FHIT: variants seen among roughly 807,000 people sequenced by gnomAD.
FHIT encodes the protein bis(5'-adenosyl)-triphosphatase.
Under a neutral mutation model 17.9 loss-of-function variants are expected in FHIT, and 19 were observed. That is an observed-to-expected ratio of 1.06 (90% CI 0.74 to 1.56). FHIT has a LOEUF of 1.56. Ranked by LOEUF, FHIT falls within the 40% of genes most tolerant of loss-of-function variation. The pLI is 0.00. For synonymous variants in FHIT, 81 were observed against 69.7 expected (o/e 1.16, Z -0.81); for missense variants, 248 against 189.2 (o/e 1.31, Z -1.82).
In FHIT at chr3:60,857,938, T is replaced by G. The variant is rs192734318; in HGVS notation, c.-110-35927A>C. On this transcript the variant is annotated intron_variant, in intron 3 of 9. Transcript: ENST00000492590. The stretch of plus-strand genomic sequence containing the variant: ...AGATTCCATCTCTTAAAAGGAAAAA[T>G]AAATCAACTGGATCACTAGCCTATA... Among the ~76,000 whole-genome samples, 619 of 152,198 alleles carry G rather than the reference T, an allele frequency of 4.1e-3. 7 individuals are homozygous for G. Among genetic ancestry groups the G allele is most frequent in the Non-Finnish European group, 2.8e-3 (192 of 67,976 alleles).
At chr3:59,827,951 A>G (rs1701033274) in intron 8 of FHIT, among the ~76,000 whole-genome samples, 1 of 152,220 alleles carries the variant, frequency 6.6e-6, no homozygotes, top group Admixed American at 6.5e-5. Context: ...GCTCATCTCG[A>G]GATGAATTAC....
At chr3:60,020,624 G>T (rs1019056066) in intron 5 of FHIT, among the ~76,000 whole-genome samples, 1 of 152,170 alleles carries the variant, frequency 6.6e-6, no homozygotes, top group Non-Finnish European at 1.5e-5. Flanking sequence ...TTAGTGATAA[G>T]CAAGGAACAT....
chr3:61,111,173 T>C (rs2036148503), intron 2 of FHIT, among the ~76,000 whole-genome samples: 2 of 152,220 alleles, frequency 1.3e-5, no homozygotes, highest in South Asian at 4.1e-4. Context: ...GTCTTGAGCA[T>C]ATCATTTACC....
At chr3:60,187,477 A>C (rs1277711990) in intron 5 of FHIT, among the ~76,000 whole-genome samples, 1 of 152,180 alleles carries the variant, frequency 6.6e-6, no homozygotes, top group East Asian at 1.9e-4. Flanking sequence ...GTTTCCTGTG[A>C]AACACGCAAT....
chr3:60,142,342 A>G (rs1384125355), intron 5 of FHIT, among the ~76,000 whole-genome samples: 2 of 152,220 alleles, frequency 1.3e-5, no homozygotes, highest in African/African-American at 4.8e-5. Flanking sequence ...CCAAGAGGAA[A>G]GAAGTATTCA....
chr3:60,637,096 T>C (rs1179672204), intron 4 of FHIT, among the ~76,000 whole-genome samples: 1 of 151,952 alleles, frequency 6.6e-6, no homozygotes, highest in African/African-American at 2.4e-5. Context: ...TCTGAGTCAC[T>C]GCAAAAGAAT....
chr3:59,834,547 G>A (rs1457143470), intron 8 of FHIT, among the ~76,000 whole-genome samples: 1 of 152,150 alleles, frequency 6.6e-6, no homozygotes, highest in Non-Finnish European at 1.5e-5. Context: ...CAGAGTGCTA[G>A]TATGGTCAGT....
chr3:60,602,527 TTGA>T (rs1553669160), intron 4 of FHIT, among the ~76,000 whole-genome samples: 3 of 151,884 alleles, frequency 2.0e-5, no homozygotes, highest in African/African-American at 7.3e-5. Context: ...AAAAAATTGC[TTGA>T]TGATGAAAGG....
chr3:60,866,882 T>C (rs1242501204), intron 3 of FHIT, among the ~76,000 whole-genome samples: 4 of 152,160 alleles, frequency 2.6e-5, no homozygotes, highest in African/African-American at 9.7e-5. Context: ...AATAACTGGG[T>C]TCCTGTGATT....
intron 5 of FHIT, among the ~76,000 whole-genome samples, chr3:60,223,754 T>C (rs188053153): frequency 6.6e-6 from 1 of 152,308 alleles, no homozygotes; most frequent in East Asian, 1.9e-4. Flanking sequence ...CACTGGTTAT[T>C]CTCTGAACCT....
intron 5 of FHIT, among the ~76,000 whole-genome samples, chr3:60,050,778 T>G (rs1203348062): frequency 6.6e-6 from 1 of 152,176 alleles, no homozygotes; most frequent in Non-Finnish European, 1.5e-5. Flanking sequence ...TCCAGGCATC[T>G]CCAAGATTTT....
chr3:61,104,410 C>T (rs535280925), intron 2 of FHIT, among the ~76,000 whole-genome samples: 4 of 152,272 alleles, frequency 2.6e-5, no homozygotes, highest in African/African-American at 9.6e-5. Flanking sequence ...TCTCTTCTGG[C>T]TTGTAGGGTT....
chr3:59,935,086 C>G (rs764322876), intron 7 of FHIT, among the ~76,000 whole-genome samples: 2 of 152,098 alleles, frequency 1.3e-5, no homozygotes, highest in Non-Finnish European at 2.9e-5. Context: ...GAAGACCATT[C>G]CAAGATAGAG....
At chr3:60,481,472 A>C (rs1297289339) in intron 5 of FHIT, among the ~76,000 whole-genome samples, 2 of 152,156 alleles carry the variant, frequency 1.3e-5, no homozygotes, top group Non-Finnish European at 2.9e-5. Context: ...CTAACAGTGG[A>C]CCTCTCAGCA....
intron 5 of FHIT, among the ~76,000 whole-genome samples, chr3:60,250,925 A>C (rs1385592741): frequency 6.6e-6 from 1 of 152,206 alleles, no homozygotes; most frequent in African/African-American, 2.4e-5. Context: ...AGATAATCCC[A>C]AAAACTCATT....
At chr3:59,761,453 T>C (rs1029876032) in intron 8 of FHIT, among the ~76,000 whole-genome samples, 6 of 152,062 alleles carry the variant, frequency 3.9e-5, no homozygotes, top group Non-Finnish European at 7.3e-5. Context: ...CTTCTACACA[T>C]ACACAAACCT....
At chr3:60,048,395 C>T (rs987112496) in intron 5 of FHIT, among the ~76,000 whole-genome samples, 1 of 150,964 alleles carries the variant, frequency 6.6e-6, no homozygotes, top group Non-Finnish European at 1.5e-5. Flanking sequence ...CCAGGATGGG[C>T]TCGATCTCCT....
rs972326856 is a variant in FHIT, at chr3:60,225,337, G to A, written c.104-211185C>T. On this transcript the variant is annotated intron_variant, in intron 5 of 9. Transcript: ENST00000492590. ...CTCATTTTGCAGGCAAACTCTTACT[G>A]TCCTGCCAATGGAACAGAAAATTTG... Among the ~76,000 whole-genome samples the A allele has an allele frequency of 2.0e-5, 3 of 152,246 alleles. No individual in the cohort carries two copies. In the East Asian group the frequency reaches 5.8e-4, roughly 29 times the overall value.
intron 8 of FHIT, among the ~76,000 whole-genome samples, chr3:59,790,272 TAATA>T (rs1387181270): frequency 6.6e-6 from 1 of 152,102 alleles, no homozygotes; most frequent in African/African-American, 2.4e-5. Flanking sequence ...TAGGAGGAAA[TAATA>T]AAAGGCAGGT....
Sources: allele counts gnomAD v4.1 joint callset (sites outside exome capture counted in the v4.1 genomes callset), GRCh38; gene constraint gnomAD v4.1.1; transcripts MANE v1.5; gene names NCBI Gene and HGNC (gene_info 2026-07-23, HGNC 2026-07-21).